The following KCNK2 variants were observed in gnomAD, a reference collection of about 807,000 sequenced individuals.
KCNK2 encodes the protein potassium two pore domain channel subfamily K member 2.
In KCNK2, 21 loss-of-function variants were observed where a neutral mutation model predicts 40.5. The ratio of observed to expected loss-of-function variants is 0.52; its 90% CI spans 0.37 to 0.75. KCNK2 has a LOEUF of 0.75. Among genes scored for constraint, KCNK2 ranks in the 30% least tolerant of loss-of-function variants. The pLI, the probability that KCNK2 is intolerant of heterozygous loss-of-function variation, is 0.00. For missense variants in KCNK2, 399 were observed against 531.6 expected, an observed-to-expected ratio of 0.75 and a Z score of 2.45; for synonymous variants, 191 against 202.2, an observed-to-expected ratio of 0.94 and a Z score of 0.47.
intron 1 of KCNK2, among the ~76,000 whole-genome samples, chr1:215,029,703 A>T (rs537514027): frequency 1.3e-5 from 2 of 150,516 alleles, no homozygotes; most frequent in South Asian, 4.2e-4. Context: ...TTAAAATTAA[A>T]TTACCATCAC....
chr1:215,124,727 C>T lies in KCNK2; in HGVS notation c.452C>T (p.Ala151Val). ...HWDLGSSFFF[A>V]GTVITTIGFG... ...GATTTGGGAAGTTCCTTCTTCTTTG[C>T]TGGCACTGTTATTACAACCATAGGT... The change falls in exon 3 of 7, where the codon GCT (alanine) becomes GTT (valine). Residue 151 changes from alanine (A) to valine (V), a missense_variant. By Grantham distance (64) the Ala-to-Val change is moderately conservative (BLOSUM62 0). Transcript: ENST00000444842. The T allele has an allele frequency of 6.2e-7, 1 of 1,605,826 alleles. No individual in the cohort carries two copies. Among genetic ancestry groups the T allele is most frequent in the Non-Finnish European group, 8.5e-7 (1 of 1,172,580 alleles).
intron 6 of KCNK2, among the ~76,000 whole-genome samples, chr1:215,230,957 C>G (rs1055618427): frequency 6.6e-6 from 1 of 152,130 alleles, no homozygotes; most frequent in Non-Finnish European, 1.5e-5. Flanking sequence ...TGGACTCCAA[C>G]AAGTCTGAGC....
At chr1:215,061,981 G>A (rs916830073) in intron 1 of KCNK2, among the ~76,000 whole-genome samples, 4 of 151,888 alleles carry the variant, frequency 2.6e-5, no homozygotes, top group African/African-American at 9.7e-5. Context: ...ATTAAACACA[G>A]CCTCTAAATT....
intron 3 of KCNK2, among the ~76,000 whole-genome samples, chr1:215,141,276 T>C (rs950971474): frequency 1.3e-5 from 2 of 152,092 alleles, no homozygotes; most frequent in African/African-American, 4.8e-5. Flanking sequence ...ACCAGTACCA[T>C]AGTAACTTTT....
chr1:215,096,473 A>T (rs1426690784), intron 2 of KCNK2, among the ~76,000 whole-genome samples: 1 of 151,970 alleles, frequency 6.6e-6, no homozygotes, highest in Non-Finnish European at 1.5e-5. Context: ...AACCTCAAAC[A>T]TTTATGATTT....
At chr1:215,025,210 A>G (rs1438223980) in intron 1 of KCNK2, among the ~76,000 whole-genome samples, 6 of 151,934 alleles carry the variant, frequency 3.9e-5, no homozygotes, top group African/African-American at 1.5e-4. Flanking sequence ...TTTCAATATT[A>G]TTGTGGGATT....
chr1:215,106,648 C>T (rs945294987), intron 2 of KCNK2, among the ~76,000 whole-genome samples: 2 of 151,928 alleles, frequency 1.3e-5, no homozygotes, highest in Admixed American at 6.6e-5. Flanking sequence ...GACTTAGCCA[C>T]AAATTATTTG....
intron 2 of KCNK2, among the ~76,000 whole-genome samples, chr1:215,100,210 A>G (rs1391427097): frequency 6.6e-6 from 1 of 151,954 alleles, no homozygotes; most frequent in African/African-American, 2.4e-5. Context: ...TCACTACACC[A>G]TGGGTCTATG....
chr1:215,007,503 C>A (rs917616800), intron 1 of KCNK2, among the ~76,000 whole-genome samples: 4 of 151,794 alleles, frequency 2.6e-5, no homozygotes, highest in African/African-American at 7.3e-5. Context: ...ATGGAGAGAG[C>A]TGGAGAGGTT....
At chr1:215,178,272 G>A (rs1025651709) in intron 5 of KCNK2, among the ~76,000 whole-genome samples, 2 of 152,044 alleles carry the variant, frequency 1.3e-5, no homozygotes, top group African/African-American at 4.8e-5. Flanking sequence ...AATTTTTAAG[G>A]TTTTCTAAGT....
At chr1:215,125,087 T>C (rs1424279717) in intron 3 of KCNK2, among the ~76,000 whole-genome samples, 3 of 152,210 alleles carry the variant, frequency 2.0e-5, no homozygotes, top group Non-Finnish European at 4.4e-5. Context: ...TGATATTTTT[T>C]GTGTAGCAAT....
In KCNK2 at chr1:215,109,773, A is replaced by G. The variant is rs112517556; in HGVS notation, c.358-14860A>G. On this transcript the variant is annotated intron_variant, in intron 2 of 6. Transcript: ENST00000444842. ...CTGGACTGGATTGTATGGTAGTTCTATTCAGCTTTTTGAGAATCTCTATCC... is the reference window on the plus strand; with the variant it reads ...CTGGACTGGATTGTATGGTAGTTCTGTTCAGCTTTTTGAGAATCTCTATCC... 2.4e-3 allele frequency among the ~76,000 whole-genome samples: 369 copies of G among 152,188 alleles called. 2 individuals are homozygous for G. The highest frequency in any genetic ancestry group is 8.5e-3 in the African/African-American group (353 of 41,562).
intron 1 of KCNK2, among the ~76,000 whole-genome samples, chr1:215,041,331 G>A (rs994900245): frequency 7.7e-4 from 118 of 152,270 alleles, no homozygotes; most frequent in African/African-American, 2.6e-3. Flanking sequence ...GATAGTACAC[G>A]TAAAGTTCAT....
chr1:215,083,125 G>T lies in KCNK2; in HGVS notation c.-261G>T. 1 of 649,222 alleles carries T rather than the reference G, an allele frequency of 1.5e-6. No individual in the cohort carries two copies. The highest frequency in any genetic ancestry group is 2.1e-5 in the South Asian group (1 of 47,638). The allele number at this position is 649,222 out of a possible 1,614,324, so 40.2% of individuals were successfully genotyped here. A position where few individuals can be genotyped will look rare whatever the true frequency, so the allele number is the denominator to read the frequency against. On this transcript the variant is annotated 5_prime_UTR_variant, in exon 1 of 7. Transcript: ENST00000444842. ...GGCGGCGGCGCCCAAGCCCAACTTG[G>T]CCTCCGCCTCGCCCTCTGCCCAGCC...
intron 1 of KCNK2, among the ~76,000 whole-genome samples, chr1:215,048,557 C>T (rs1328989655): frequency 6.6e-6 from 1 of 152,184 alleles, no homozygotes; most frequent in Non-Finnish European, 1.5e-5. Context: ...CAAAACCTCT[C>T]TCACATTTCT....
At chr1:215,140,510 A>G (rs569962052) in intron 3 of KCNK2, among the ~76,000 whole-genome samples, 1 of 152,350 alleles carries the variant, frequency 6.6e-6, no homozygotes, top group South Asian at 2.1e-4. Flanking sequence ...CTTCTAGGCT[A>G]CAGACAGGTG....
At chr1:215,011,943 A>C (rs976723886) in intron 1 of KCNK2, among the ~76,000 whole-genome samples, 2 of 152,024 alleles carry the variant, frequency 1.3e-5, no homozygotes, top group Admixed American at 6.6e-5. Flanking sequence ...GAATGCACTT[A>C]CATTCATCCT....
At chr1:215,204,589 GCTT>G (rs1558137695) in intron 6 of KCNK2, among the ~76,000 whole-genome samples, 1 of 152,006 alleles carries the variant, frequency 6.6e-6, no homozygotes, top group Non-Finnish European at 1.5e-5. Flanking sequence ...CATGAACTTA[GCTT>G]TCAAAATTGT....
At chr1:215,043,128 A>C (rs556740636) in intron 1 of KCNK2, among the ~76,000 whole-genome samples, 2 of 152,320 alleles carry the variant, frequency 1.3e-5, no homozygotes, top group African/African-American at 4.8e-5. Flanking sequence ...GATAGCTATT[A>C]GAGGGAAAAA....
Sources: gnomAD v4.1 joint callset for allele counts (sites outside exome capture counted in the v4.1 genomes callset) on GRCh38, gnomAD v4.1.1 for gene constraint, MANE v1.5 for transcripts, NCBI Gene and HGNC (gene_info 2026-07-23, HGNC 2026-07-21) for gene names.